The following CTNNA3 variants were observed in gnomAD, a reference collection of about 807,000 sequenced individuals.
The protein encoded by CTNNA3 is catenin alpha 3.
In CTNNA3, 76 loss-of-function variants were observed where a neutral mutation model predicts 95.7. That is an observed-to-expected ratio of 0.79 (90% confidence interval 0.66 to 0.96). The LOEUF is 0.96. Among genes scored for constraint, CTNNA3 ranks in the 40% least tolerant of loss-of-function variants. The pLI, the probability that CTNNA3 is intolerant of heterozygous loss-of-function variation, is 0.00. For synonymous variants in CTNNA3, 431 were observed against 374.4 expected, an observed-to-expected ratio of 1.15 and a Z score of -1.74; for missense variants, 1,191 against 1,089.8, an observed-to-expected ratio of 1.09 and a Z score of -1.31.
chr10:65,948,307 A>G (rs2133200470), intron 17 of CTNNA3, among the ~76,000 whole-genome samples: 1 of 151,718 alleles, frequency 6.6e-6, no homozygotes, highest in Middle Eastern at 3.4e-3. Flanking sequence ...AAAGAAAGAA[A>G]GAAATACCAC....
In CTNNA3 at chr10:66,383,022, CA is replaced by C. The variant is rs564991941; in HGVS notation, c.1532-3671del. Among the ~76,000 whole-genome samples, 526 of 152,260 alleles carry C rather than the reference CA, an allele frequency of 3.5e-3. 3 individuals carry two copies. Among genetic ancestry groups the C allele is most frequent in the African/African-American group, 0.012 (495 of 41,556 alleles). ...CAGAAAAGATGGAAATTCTAAAAAT[CA>C]GAGCACCTCTTCTCCTCCAAAGGAT... On this transcript the variant is annotated intron_variant, in intron 11 of 17. Coordinates refer to ENST00000433211, the MANE Select transcript of CTNNA3 (RefSeq NM_013266.4).
At chr10:67,630,476 T>C (rs531740578) in intron 2 of CTNNA3, among the ~76,000 whole-genome samples, 4 of 152,312 alleles carry the variant, frequency 2.6e-5, no homozygotes, top group African/African-American at 4.8e-5. Flanking sequence ...CCAGCTCACA[T>C]TGAACATGTA....
At chr10:66,237,655 A>G (rs2089920619) in intron 13 of CTNNA3, among the ~76,000 whole-genome samples, 2 of 152,086 alleles carry the variant, frequency 1.3e-5, no homozygotes, top group South Asian at 2.1e-4. Flanking sequence ...TTTTAGGGCT[A>G]CGTAAGACTG....
intron 7 of CTNNA3, among the ~76,000 whole-genome samples, chr10:67,117,175 C>T (rs1017599535): frequency 6.6e-6 from 1 of 151,848 alleles, no homozygotes; most frequent in Non-Finnish European, 1.5e-5. Flanking sequence ...AATGTCAGCT[C>T]ACTTCTTTGG....
intron 9 of CTNNA3, among the ~76,000 whole-genome samples, chr10:66,718,782 G>A (rs566449328): frequency 9.2e-5 from 14 of 152,096 alleles, no homozygotes; most frequent in African/African-American, 3.4e-4. Flanking sequence ...GGTGATCAAT[G>A]AATACTTGTT....
chr10:67,576,619 A>G (rs1842157225), intron 3 of CTNNA3, among the ~76,000 whole-genome samples: 1 of 147,516 alleles, frequency 6.8e-6, no homozygotes, highest in Non-Finnish European at 1.5e-5. Context: ...TTAGTTACAT[A>G]TGTATACATG....
At chr10:66,707,143 T>C (rs926715549) in intron 9 of CTNNA3, among the ~76,000 whole-genome samples, 3 of 152,074 alleles carry the variant, frequency 2.0e-5, no homozygotes, top group Non-Finnish European at 4.4e-5. Flanking sequence ...ATTCCTTCTT[T>C]ATTTTAGAGT....
chr10:66,198,805 T>C (rs1400712369), intron 13 of CTNNA3, among the ~76,000 whole-genome samples: 1 of 152,238 alleles, frequency 6.6e-6, no homozygotes, highest in Non-Finnish European at 1.5e-5. Flanking sequence ...AAAAGTCCTA[T>C]GAGCGAACAT....
chr10:66,076,833 T>C lies in CTNNA3; in HGVS notation c.1978-7344A>G, dbSNP rs183405336. On this transcript the variant is annotated intron_variant, in intron 14 of 17. Coordinates refer to ENST00000433211, the MANE Select transcript of CTNNA3 (RefSeq NM_013266.4). The stretch of plus-strand genomic sequence containing the variant: ...TTAAATAATAATATGATGAGGTAGA[T>C]ATTAATGTCCATTTGTCACAATCAT... 3.0e-3 allele frequency among the ~76,000 whole-genome samples: 455 copies of C among 151,892 alleles called. 5 individuals carry two copies. Among genetic ancestry groups the C allele is most frequent in the Non-Finnish European group, 5.5e-3 (370 of 67,706 alleles).
chr10:66,277,186 A>T (rs928712271), intron 13 of CTNNA3, among the ~76,000 whole-genome samples: 1 of 152,152 alleles, frequency 6.6e-6, no homozygotes, highest in African/African-American at 2.4e-5. Context: ...ATAATTATTG[A>T]TCAAAACAAA....
At chr10:66,898,294 T>C (rs1433286610) in intron 7 of CTNNA3, among the ~76,000 whole-genome samples, 2 of 152,154 alleles carry the variant, frequency 1.3e-5, no homozygotes, top group African/African-American at 2.4e-5. Flanking sequence ...ACACATAATA[T>C]AGTAAGGTTG....
At chr10:67,230,699 G>A (rs1865150717) in intron 5 of CTNNA3, among the ~76,000 whole-genome samples, 1 of 152,200 alleles carries the variant, frequency 6.6e-6, no homozygotes, top group African/African-American at 2.4e-5. Flanking sequence ...GAACAGCTCG[G>A]TCTACAGCTC....
chr10:67,221,446 G>A (rs768913375), intron 5 of CTNNA3, among the ~76,000 whole-genome samples: 3 of 152,142 alleles, frequency 2.0e-5, no homozygotes, highest in Non-Finnish European at 4.4e-5. Context: ...GGTTTCAAGA[G>A]ACTAAGTTTC....
chr10:66,753,658 A>G (rs905633817), intron 9 of CTNNA3, among the ~76,000 whole-genome samples: 3 of 151,502 alleles, frequency 2.0e-5, no homozygotes, highest in African/African-American at 7.3e-5. Flanking sequence ...ATGAAACTCC[A>G]TCTCAAAAAA....
chr10:67,564,677 G>GTGTGTATATATATA (rs1488656262), intron 3 of CTNNA3, among the ~76,000 whole-genome samples: 9 of 61,308 alleles, frequency 1.5e-4, no homozygotes, highest in African/African-American at 4.5e-4. Context: ...GTGTGTGTGT[G>GTGTGTATATATATA]TATATATATA....
intron 9 of CTNNA3, among the ~76,000 whole-genome samples, chr10:66,699,226 A>G (rs939992839): frequency 1.3e-5 from 2 of 152,134 alleles, no homozygotes; most frequent in South Asian, 2.1e-4. Flanking sequence ...TCCTCTGGAT[A>G]TATACCCAGA....
intron 10 of CTNNA3, among the ~76,000 whole-genome samples, chr10:66,558,294 A>G (rs1246566246): frequency 6.6e-6 from 1 of 152,144 alleles, no homozygotes; most frequent in East Asian, 1.9e-4. Context: ...AAAAAGCTGA[A>G]GCACTTCTAC....
At chr10:66,561,828 T>A (rs1842562006) in intron 10 of CTNNA3, among the ~76,000 whole-genome samples, 1 of 152,080 alleles carries the variant, frequency 6.6e-6, no homozygotes, top group Admixed American at 6.6e-5. Context: ...CATTTTTTTG[T>A]TGTTTGCATG....
At chr10:67,114,114 AAAG>A (rs1234377054) in intron 7 of CTNNA3, among the ~76,000 whole-genome samples, 4 of 152,044 alleles carry the variant, frequency 2.6e-5, no homozygotes, top group Non-Finnish European at 5.9e-5. Flanking sequence ...AGATGCAAGA[AAAG>A]AAAAAAAATT....
Sources: gnomAD v4.1 joint callset for allele counts (sites outside exome capture counted in the v4.1 genomes callset) on GRCh38, gnomAD v4.1.1 for gene constraint, MANE v1.5 for transcripts, NCBI Gene and HGNC (gene_info 2026-07-23, HGNC 2026-07-21) for gene names.